Variants in DESI2 observed in about 807,000 individuals in gnomAD.
The protein encoded by DESI2 is deubiquitinase DESI2.
DESI2 carries 10 observed loss-of-function variants against 24.1 expected under a neutral mutation model. The observed-to-expected ratio is 0.41, with a 90% CI of 0.26 to 0.70. DESI2 has a LOEUF of 0.70. DESI2 is among the 30% of genes least tolerant of loss of function. The pLI is 0.29. For synonymous variants in DESI2, 71 were observed against 87.7 expected (o/e 0.81, Z 1.06); for missense variants, 122 against 234.9 (o/e 0.52, Z 3.14).
At chr1:244,678,893 CTG>C (rs1676504992) in intron 1 of DESI2, among the ~76,000 whole-genome samples, 1 of 152,210 alleles carries the variant, frequency 6.6e-6, no homozygotes, top group Non-Finnish European at 1.5e-5. Flanking sequence ...TGGTTGCAAA[CTG>C]TATAAACAAT....
In DESI2 at chr1:244,694,751, C is replaced by G. The variant is rs1677152342; in HGVS notation, c.351+2731C>G. On this transcript the variant is annotated intron_variant, in intron 4 of 4. Coordinates refer to ENST00000302550, the MANE Select transcript of DESI2 (RefSeq NM_016076.5). ...TTCTGTGGCTAAGACCAGAGAGATTCATTAAGTTTTATTAGAACACAGCCA... is the reference window on the plus strand; with the variant it reads ...TTCTGTGGCTAAGACCAGAGAGATTGATTAAGTTTTATTAGAACACAGCCA... 4.9e-6 allele frequency: 3 copies of G among 611,276 alleles called. No individual in the cohort carries two copies. The East Asian group carries it at 8.3e-5, about 17-fold the overall frequency. 37.9% of individuals were successfully genotyped at this position (611,276 alleles called of 1,614,324 possible).
chr1:244,705,078 A>G (rs1328456560), intron 4 of DESI2, among the ~76,000 whole-genome samples: 3 of 152,194 alleles, frequency 2.0e-5, no homozygotes, highest in African/African-American at 7.2e-5. Context: ...ACCAGGAGAA[A>G]TGGAGTGATA....
rs1206210825 is a variant in DESI2 at position 244,706,556 on chromosome 1, A to G, written c.*767A>G. ...AAGATATTCTTGGTAGTAACTGACAAGTATGTTGCACATGTATTGGGGGAG... is the reference window on the plus strand; with the variant it reads ...AAGATATTCTTGGTAGTAACTGACAGGTATGTTGCACATGTATTGGGGGAG... On this transcript the variant is annotated 3_prime_UTR_variant, in exon 5 of 5. Transcript: ENST00000302550. The G allele has an allele frequency of 6.6e-6, 1 of 152,642 alleles. No homozygotes were observed. Among genetic ancestry groups the G allele is most frequent in the African/African-American group, 2.4e-5 (1 of 41,450 alleles). The allele number at this position is 152,642 out of a possible 1,614,324, so 9.5% of individuals were successfully genotyped here. A position where few individuals can be genotyped will look rare whatever the true frequency, so the allele number is the denominator to read the frequency against.
At chr1:244,664,113 A>G (rs943005000) in intron 1 of DESI2, among the ~76,000 whole-genome samples, 3 of 152,308 alleles carry the variant, frequency 2.0e-5, no homozygotes, top group Admixed American at 6.5e-5. Context: ...TACTCATTTA[A>G]CATAGCTAAA....
chr1:244,705,099 A>G (rs6692755), intron 4 of DESI2, among the ~76,000 whole-genome samples: 42,773 of 152,032 alleles, frequency 0.28, 6,309 homozygotes, highest in African/African-American at 0.37. Flanking sequence ...GACACTGGAG[A>G]AAAGGGGAAA....
chr1:244,703,782 C>T (rs1677577427), intron 4 of DESI2, among the ~76,000 whole-genome samples: 2 of 151,978 alleles, frequency 1.3e-5, no homozygotes, highest in Admixed American at 6.5e-5. Flanking sequence ...CCTCAGCCTC[C>T]CGAGTAGCTG....
intron 1 of DESI2, among the ~76,000 whole-genome samples, chr1:244,675,266 A>G (rs1041969362): frequency 1.3e-5 from 2 of 152,046 alleles, no homozygotes; most frequent in African/African-American, 4.8e-5. Context: ...CTTTCTTGAT[A>G]GTGTTCTTCA....
At position 244,705,954 on chromosome 1, in the gene DESI2, A is replaced by G. The variant is rs574430933; in HGVS notation, c.*165A>G. The G allele has an allele frequency of 1.0e-4, 61 of 601,986 alleles. No homozygotes were observed. The African/African-American group carries it at 1.1e-3, about 11-fold the overall frequency. The allele number at this position is 601,986 out of a possible 1,614,324, so 37.3% of individuals were successfully genotyped here. The stretch of plus-strand genomic sequence containing the variant: ...TATTTGTAATCAAAAAAAAAAAATC[A>G]CTTGGCGCAGGAGGGAGAACTTTGT... On this transcript the variant is annotated 3_prime_UTR_variant, in exon 5 of 5. Coordinates refer to ENST00000302550, the MANE Select transcript of DESI2 (RefSeq NM_016076.5).
chr1:244,699,285 A>G (rs537620477), intron 4 of DESI2, among the ~76,000 whole-genome samples: 1 of 152,248 alleles, frequency 6.6e-6, no homozygotes, highest in South Asian at 2.1e-4. Flanking sequence ...TGGTTACATT[A>G]TATAAAAATA....
In DESI2 at chr1:244,706,127, ATCT is replaced by A. The variant is rs1185945102; in HGVS notation, c.*341_*343del. 1 of 223,106 alleles carries A rather than the reference ATCT, an allele frequency of 4.5e-6. No individual in the cohort carries two copies. The highest frequency in any genetic ancestry group is 1.1e-4 in the East Asian group (1 of 8,830). The allele number at this position is 223,106 out of a possible 1,614,324, so 13.8% of individuals were successfully genotyped here. A position where few individuals can be genotyped will look rare whatever the true frequency, so the allele number is the denominator to read the frequency against. ...ACTCCTGCCACAGTGAAAGAAGAAA[ATCT>A]TCATGTCTTCAAAAATTAGGCAGGT... On this transcript the variant is annotated 3_prime_UTR_variant, in exon 5 of 5. Transcript: ENST00000302550.
intron 1 of DESI2, among the ~76,000 whole-genome samples, chr1:244,663,631 G>C (rs1675931232): frequency 6.6e-6 from 1 of 152,180 alleles, no homozygotes; most frequent in Admixed American, 6.5e-5. Flanking sequence ...AAAGGGAAAA[G>C]ATTTATGTCT....
At chr1:244,662,267 AAATC>A (rs1675875404) in intron 1 of DESI2, among the ~76,000 whole-genome samples, 2 of 152,110 alleles carry the variant, frequency 1.3e-5, no homozygotes, top group Admixed American at 6.6e-5. Context: ...GTTTTTTTCT[AAATC>A]AAGCTAATTT....
chr1:244,653,272 A>G lies in DESI2; in HGVS notation c.-42A>G. 6.8e-7 allele frequency: 1 copy of G among 1,469,664 alleles called. No homozygotes were observed. The highest frequency in any genetic ancestry group is 1.4e-5 in the South Asian group (1 of 70,320). The allele number at this position is 1,469,664 out of a possible 1,614,324, so 91.0% of individuals were successfully genotyped here. A position where few individuals can be genotyped will look rare whatever the true frequency, so the allele number is the denominator to read the frequency against. ...GAGAGCGGCCTCCGGCCCCGCGGAG[A>G]CGGAGCGGCTTGAGGACGAGGCGGC... On this transcript the variant is annotated 5_prime_UTR_variant, in exon 1 of 5. Coordinates refer to ENST00000302550, the MANE Select transcript of DESI2 (RefSeq NM_016076.5).
intron 1 of DESI2, among the ~76,000 whole-genome samples, chr1:244,662,068 C>G (rs1172790861): frequency 6.6e-6 from 1 of 152,186 alleles, no homozygotes; most frequent in Non-Finnish European, 1.5e-5. Flanking sequence ...TCTCCAGCAC[C>G]TGTTGTTTCC....
intron 3 of DESI2, among the ~76,000 whole-genome samples, chr1:244,690,208 A>G (rs567763580): frequency 6.6e-6 from 1 of 151,986 alleles, no homozygotes; most frequent in Non-Finnish European, 1.5e-5. Flanking sequence ...TCCTAATGCT[A>G]TCCCTCCCCC....
rs1677690559 is a variant in DESI2 at position 244,706,064 on chromosome 1, T to C, written c.*275T>C. On this transcript the variant is annotated 3_prime_UTR_variant, in exon 5 of 5. Transcript: ENST00000302550. Reference sequence around the variant, plus strand: ...TATACAAGCTCTGTTAAGTTATGTTTACAGTATCTTGTATCGCTGTTTACA... The same window carrying C: ...TATACAAGCTCTGTTAAGTTATGTTCACAGTATCTTGTATCGCTGTTTACA... 1 of 397,976 alleles carries C rather than the reference T, an allele frequency of 2.5e-6. No individual in the cohort carries two copies. Among genetic ancestry groups the C allele is most frequent in the South Asian group, 2.9e-5 (1 of 34,490 alleles). 24.7% of individuals were successfully genotyped at this position (397,976 alleles called of 1,614,324 possible). A position where few individuals can be genotyped will look rare whatever the true frequency, so the allele number is the denominator to read the frequency against.
chr1:244,664,313 GGAA>G (rs1675967499), intron 1 of DESI2, among the ~76,000 whole-genome samples: 1 of 152,152 alleles, frequency 6.6e-6, no homozygotes, highest in Non-Finnish European at 1.5e-5. Context: ...TTCTTGTTTT[GGAA>G]GATTATATTT....
intron 4 of DESI2, among the ~76,000 whole-genome samples, chr1:244,698,318 C>A (rs369985412): frequency 5.8e-4 from 88 of 152,246 alleles, no homozygotes; most frequent in African/African-American, 2.1e-3. Flanking sequence ...GATTTTTGCC[C>A]ATTGGAGCCT....
At chr1:244,666,425 A>G (rs1270472847) in intron 1 of DESI2, among the ~76,000 whole-genome samples, 1 of 152,076 alleles carries the variant, frequency 6.6e-6, no homozygotes, top group East Asian at 1.9e-4. Flanking sequence ...TATCACTCCA[A>G]TCAGTGAATG....
Sources: gnomAD v4.1 joint callset for allele counts (sites outside exome capture counted in the v4.1 genomes callset) on GRCh38, gnomAD v4.1.1 for gene constraint, MANE v1.5 for transcripts, NCBI Gene and HGNC (gene_info 2026-07-23, HGNC 2026-07-21) for gene names.